Variants in NSD1 observed in about 807,000 individuals in gnomAD.
The protein encoded by NSD1 is nuclear receptor binding SET domain protein 1.
Under a neutral mutation model 242.7 loss-of-function variants are expected in NSD1, and 26 were observed. The observed-to-expected ratio is 0.11, with a 90% CI of 0.08 to 0.15. The LOEUF is 0.15. Ranked by LOEUF, NSD1 falls within the 10% of genes least tolerant of loss-of-function variation. NSD1 has a pLI of 1.00. For missense variants in NSD1, 2,495 were observed against 3,272.8 expected, an observed-to-expected ratio of 0.76 and a Z score of 5.80; for synonymous variants, 1,106 against 1,178.1, an observed-to-expected ratio of 0.94 and a Z score of 1.25.
Position 177,289,015 on chromosome 5 carries a change from T to C in NSD1, c.6258+90T>C, listed in dbSNP as rs1759560962. ...GGGCAGTCTACATTTTAAGAAGAAA[T>C]CTCTTTGAAATTAATGACATTCAGC... On this transcript the variant is annotated intron_variant, in intron 21 of 22. Coordinates refer to ENST00000439151, the MANE Select transcript of NSD1 (RefSeq NM_022455.5). 6 of 957,728 alleles carry C rather than the reference T, an allele frequency of 6.3e-6. No individual in the cohort carries two copies. In the South Asian group the frequency reaches 6.5e-5, roughly 10 times the overall value. 59.3% of individuals were successfully genotyped at this position (957,728 alleles called of 1,614,324 possible).
chr5:177,251,431 T>C (rs891986757), intron 11 of NSD1, among the ~76,000 whole-genome samples: 1 of 152,162 alleles, frequency 6.6e-6, no homozygotes, highest in Non-Finnish European at 1.5e-5. Flanking sequence ...AACCATTCAG[T>C]AGCTTTCTGG....
intron 20 of NSD1, among the ~76,000 whole-genome samples, chr5:177,284,709 C>T (rs1466641490): frequency 1.3e-5 from 2 of 152,230 alleles, no homozygotes; most frequent in African/African-American, 4.8e-5. Context: ...CTTCAGTCTC[C>T]TTTCTCACCT....
intron 2 of NSD1, among the ~76,000 whole-genome samples, chr5:177,148,360 C>T (rs2149773262): frequency 6.6e-6 from 1 of 151,918 alleles, no homozygotes; most frequent in Non-Finnish European, 1.5e-5. Flanking sequence ...CCAGGTGATC[C>T]ACCCTCCTCA....
intron 2 of NSD1, among the ~76,000 whole-genome samples, chr5:177,186,061 A>G (rs1210546237): frequency 5.8e-5 from 6 of 103,814 alleles, no homozygotes; most frequent in Non-Finnish European, 8.4e-5. Flanking sequence ...AATATAACAT[A>G]TAATATATGT....
chr5:177,154,514 C>T (rs918512329), intron 2 of NSD1, among the ~76,000 whole-genome samples: 6 of 152,028 alleles, frequency 3.9e-5, no homozygotes, highest in African/African-American at 1.4e-4. Flanking sequence ...AAAAGTTAAC[C>T]AGTGAAGTGA....
chr5:177,252,536 G>GTTTTTTTTT (rs1362275540), intron 12 of NSD1, among the ~76,000 whole-genome samples: 3 of 98,994 alleles, frequency 3.0e-5, no homozygotes, highest in African/African-American at 1.3e-4. Flanking sequence ...AAAGTAAAGT[G>GTTTTTTTTT]TTCTTTTTTT....
chr5:177,293,439 A>T (rs887486862), intron 22 of NSD1, among the ~76,000 whole-genome samples: 1 of 152,152 alleles, frequency 6.6e-6, no homozygotes, highest in Non-Finnish European at 1.5e-5. Context: ...TGAGTTGCTT[A>T]TTTAAAAGCT....
intron 6 of NSD1, among the ~76,000 whole-genome samples, chr5:177,236,434 A>T (rs565816173): frequency 6.6e-6 from 1 of 152,320 alleles, no homozygotes; most frequent in South Asian, 2.1e-4. Context: ...TGTTTATCTG[A>T]CATCAACTGT....
In NSD1 at chr5:177,134,452, C is replaced by T. The variant is rs1470944447; in HGVS notation, c.-18+500C>T. Among the ~76,000 whole-genome samples the T allele has an allele frequency of 6.6e-6, 1 of 152,172 alleles. No homozygotes were observed. The highest frequency in any genetic ancestry group is 6.5e-5 in the Admixed American group (1 of 15,278). On this transcript the variant is annotated intron_variant, in intron 1 of 22. Transcript: ENST00000439151. This position sits in a 1 kb window ranked among gnomAD's most constrained non-coding sequence, Gnocchi z 4.2. ...TGCTACCCTGACTGGGCTTCGCTGG[C>T]CGCCTCGGTTTCTCCCTCTGCCGGG...
chr5:177,266,584 G>A (rs1027373773), intron 14 of NSD1: 5 of 679,404 alleles, frequency 7.4e-6, no homozygotes, highest in East Asian at 3.9e-5. Context: ...CTCGGCGGCC[G>A]CCATCTTCAC....
chr5:177,293,545 A>G (rs1178598480), intron 22 of NSD1, among the ~76,000 whole-genome samples: 1 of 44,564 alleles, frequency 2.2e-5, no homozygotes, highest in African/African-American at 8.2e-5. Context: ...CCCCCCCCTC[A>G]CCTCCTTGCT....
At chr5:177,156,946 GGAGGACAGAGC>G (rs1423830545) in intron 2 of NSD1, among the ~76,000 whole-genome samples, 5 of 152,052 alleles carry the variant, frequency 3.3e-5, no homozygotes, top group Non-Finnish European at 7.4e-5. Context: ...ATTCCAGCCT[GGAGGACAGAGC>G]GAGACTCTGT....
chr5:177,167,492 G>C (rs181600951), intron 2 of NSD1, among the ~76,000 whole-genome samples: 26 of 151,878 alleles, frequency 1.7e-4, no homozygotes, highest in Admixed American at 3.3e-4. Flanking sequence ...CCGAGATCGC[G>C]CCATTGCACT....
intron 2 of NSD1, among the ~76,000 whole-genome samples, chr5:177,158,999 T>TATATATATATATATATGAATG (rs1554173243): frequency 0.019 from 243 of 13,044 alleles, 10 homozygotes; most frequent in African/African-American, 0.064. Flanking sequence ...TGAATGATTT[T>TATATATATATATATATGAATG]ATATATATAT....
At chr5:177,193,422 G>A (rs1761857822) in intron 3 of NSD1, among the ~76,000 whole-genome samples, 1 of 152,024 alleles carries the variant, frequency 6.6e-6, no homozygotes, top group African/African-American at 2.4e-5. Flanking sequence ...GATTACAAGC[G>A]TGAGCCACCG....
rs972171417 is a variant in NSD1, at chr5:177,266,263, C to T, written c.5147-1299C>T. 16 of 760,914 alleles carry T rather than the reference C, an allele frequency of 2.1e-5. No homozygotes were observed. In the Admixed American group the frequency reaches 2.7e-4, roughly 13 times the overall value. 47.1% of individuals were successfully genotyped at this position (760,914 alleles called of 1,614,324 possible). Reference sequence around the variant, plus strand: ...GGAGCTCTATCTCCTCCACCTTCCCCTTGGTGATGGTCACCAAGTGGTCTA... The same window carrying T: ...GGAGCTCTATCTCCTCCACCTTCCCTTTGGTGATGGTCACCAAGTGGTCTA... On this transcript the variant is annotated intron_variant, in intron 14 of 22. Transcript: ENST00000439151.
At chr5:177,245,965 T>A (rs576762151) in intron 9 of NSD1, among the ~76,000 whole-genome samples, 9 of 36,896 alleles carry the variant, frequency 2.4e-4, no homozygotes, top group African/African-American at 1.1e-3. Context: ...CCTTTTATTT[T>A]TTTTATTTAT....
At position 177,135,649 on chromosome 5, in the gene NSD1, G is replaced by A. The variant is rs567693862; in HGVS notation, c.546G>A (p.Glu182=). Residue 182 remains glutamate (E), a synonymous_variant, in exon 2 of 23, where the codon GAG becomes GAA. Coordinates refer to ENST00000439151, the MANE Select transcript of NSD1 (RefSeq NM_022455.5). ...QPVTEDESIE[E]IFEETQTNAT... The stretch of plus-strand genomic sequence containing the variant: ...TCACAGAGGATGAGAGTATAGAGGA[G>A]ATCTTTGAGGAAACTCAGACCAATG... 6.2e-7 allele frequency: 1 copy of A among 1,614,200 alleles called. No individual in the cohort carries two copies. The highest frequency in any genetic ancestry group is 1.1e-5 in the South Asian group (1 of 91,084).
At chr5:177,258,573 T>A (rs1340547567) in intron 13 of NSD1, among the ~76,000 whole-genome samples, 1 of 151,944 alleles carries the variant, frequency 6.6e-6, no homozygotes, top group Non-Finnish European at 1.5e-5. Flanking sequence ...TTCACTTTTG[T>A]TGCCCAGGCT....
Sources: gnomAD v4.1 joint callset for allele counts (sites outside exome capture counted in the v4.1 genomes callset) on GRCh38, gnomAD v4.1.1 for gene constraint, Gnocchi (gnomAD v3.1) non-coding constraint, MANE v1.5 for transcripts, NCBI Gene and HGNC (gene_info 2026-07-23, HGNC 2026-07-21) for gene names.